The following KIAA1549L variants were observed in gnomAD, a reference collection of about 807,000 sequenced individuals.
KIAA1549L encodes UPF0606 protein KIAA1549L.
Under a neutral mutation model 160.7 loss-of-function variants are expected in KIAA1549L, and 88 were observed. The observed-to-expected ratio is 0.55, with a 90% CI of 0.46 to 0.65. The LOEUF (loss-of-function observed/expected upper bound fraction) is 0.65, where lower values mean the gene tolerates loss of function less well. Ranked by LOEUF, KIAA1549L falls within the 30% of genes least tolerant of loss-of-function variation. KIAA1549L has a pLI of 0.00. For synonymous variants in KIAA1549L, 950 were observed against 976.7 expected, an observed-to-expected ratio of 0.97 and a Z score of 0.51; for missense variants, 2,258 against 2,437.5, an observed-to-expected ratio of 0.93 and a Z score of 1.55.
Position 33,583,448 on chromosome 11 carries a change from A to G in KIAA1549L, c.4513A>G (p.Asn1505Asp). 6.3e-7 allele frequency: 1 copy of G among 1,588,928 alleles called. No homozygotes were observed. Among genetic ancestry groups the G allele is most frequent in the Non-Finnish European group, 8.6e-7 (1 of 1,167,876 alleles). ...IIITAVLCRKNKNDFKPDTMI... is the reference protein window; with the variant it reads ...IIITAVLCRKDKNDFKPDTMI... The stretch of plus-strand genomic sequence containing the variant: ...CATCACTGCCGTGCTCTGCAGGAAG[A>G]ACAAGAACGACTTCAAGCCTGACAC... The change falls in exon 11 of 21, where the codon AAC (asparagine) becomes GAC (aspartate). Residue 1505 changes from asparagine (N) to aspartate (D), a missense_variant. Physicochemically the swap from Asn to Asp is conservative, Grantham distance 23. Transcript: ENST00000658780.
chr11:33,585,604 G>A (rs1230678762), intron 11 of KIAA1549L, among the ~76,000 whole-genome samples: 1 of 152,140 alleles, frequency 6.6e-6, no homozygotes, highest in Non-Finnish European at 1.5e-5. Flanking sequence ...TAGACATAAT[G>A]GTAATAACCA....
chr11:33,511,877 A>G (rs1258312713), intron 1 of KIAA1549L, among the ~76,000 whole-genome samples: 1 of 152,214 alleles, frequency 6.6e-6, no homozygotes, highest in Non-Finnish European at 1.5e-5. Flanking sequence ...TTCAGCTGTA[A>G]GGACTGGACC....
At chr11:33,590,973 A>G (rs930777170) in intron 11 of KIAA1549L, among the ~76,000 whole-genome samples, 7 of 152,230 alleles carry the variant, frequency 4.6e-5, no homozygotes, top group Non-Finnish European at 7.3e-5. Flanking sequence ...AAGAGGTTTG[A>G]TCTTAAACAC....
At chr11:33,388,352 C>T (rs1850213201) in intron 1 of KIAA1549L, among the ~76,000 whole-genome samples, 1 of 152,162 alleles carries the variant, frequency 6.6e-6, no homozygotes, top group Non-Finnish European at 1.5e-5. Flanking sequence ...GTAGGGGTAA[C>T]TGCCCCCATG....
chr11:33,577,952 A>T (rs1042921319), intron 10 of KIAA1549L, among the ~76,000 whole-genome samples: 1 of 151,530 alleles, frequency 6.6e-6, no homozygotes, highest in Non-Finnish European at 1.5e-5. Flanking sequence ...TTGGCCTGTC[A>T]GTTCCATGAC....
intron 1 of KIAA1549L, among the ~76,000 whole-genome samples, chr11:33,487,402 C>CTTT (rs112165825): frequency 1.5e-4 from 13 of 85,492 alleles, no homozygotes; most frequent in South Asian, 3.5e-4. Context: ...GTCTATTGTT[C>CTTT]TTTTTTTTTT....
At position 33,598,190 on chromosome 11, in the gene KIAA1549L, T is replaced by TTGTGTGTGTGTGTGTG. The variant is rs57343190; in HGVS notation, c.4752-606_4752-591dup. The stretch of plus-strand genomic sequence containing the variant: ...AGTTAGAGAGTTAGAGAGAGAATGT[T>TTGTGTGTGTGTGTGTG]TGTGTGTGTGTGTGTGTGTGTGTGT... On this transcript the variant is annotated intron_variant, in intron 12 of 20. Coordinates refer to ENST00000658780, the MANE Select transcript of KIAA1549L (RefSeq NM_012194.3). Among the ~76,000 whole-genome samples the TTGTGTGTGTGTGTGTG allele has an allele frequency of 3.0e-5, 4 of 135,102 alleles. 1 individual carries two copies. Among genetic ancestry groups the TTGTGTGTGTGTGTGTG allele is most frequent in the South Asian group, 4.8e-4 (2 of 4,166 alleles). The allele number at this position is 135,102 out of a possible 152,430, so 88.6% of individuals were successfully genotyped here.
intron 1 of KIAA1549L, among the ~76,000 whole-genome samples, chr11:33,414,608 A>G (rs1230288562): frequency 1.3e-5 from 2 of 152,224 alleles, no homozygotes; most frequent in Non-Finnish European, 2.9e-5. Flanking sequence ...TATATGGGCA[A>G]TGTAGCAGGG....
At chr11:33,589,903 A>T (rs186978856) in intron 11 of KIAA1549L, among the ~76,000 whole-genome samples, 1 of 152,196 alleles carries the variant, frequency 6.6e-6, no homozygotes, top group South Asian at 2.1e-4. Flanking sequence ...AACTTAAAGT[A>T]TAATAAAAAT....
intron 1 of KIAA1549L, among the ~76,000 whole-genome samples, chr11:33,458,742 G>T (rs1851880337): frequency 6.6e-6 from 1 of 152,240 alleles, no homozygotes; most frequent in Non-Finnish European, 1.5e-5. Context: ...CCCCTACCCA[G>T]GTGTGTTTTT....
At chr11:33,616,391 C>A (rs1007269970) in intron 15 of KIAA1549L, among the ~76,000 whole-genome samples, 5 of 152,188 alleles carry the variant, frequency 3.3e-5, no homozygotes, top group African/African-American at 1.2e-4. Context: ...CAACTCAGGT[C>A]AGATGCCCAG....
chr11:33,638,434 AAAT>A (rs1406468619), intron 16 of KIAA1549L, among the ~76,000 whole-genome samples: 36 of 22,342 alleles, frequency 1.6e-3, no homozygotes, highest in Admixed American at 4.8e-3. Context: ...AAAAAAAAAA[AAAT>A]AAATAAATAA....
chr11:33,579,587 G>C (rs960443307), intron 10 of KIAA1549L, among the ~76,000 whole-genome samples: 1 of 152,204 alleles, frequency 6.6e-6, no homozygotes, highest in Non-Finnish European at 1.5e-5. Context: ...GGTGCCCCAG[G>C]ACTGGGGACA....
At chr11:33,508,790 G>A (rs1220017268) in intron 1 of KIAA1549L, among the ~76,000 whole-genome samples, 1 of 152,194 alleles carries the variant, frequency 6.6e-6, no homozygotes, top group Non-Finnish European at 1.5e-5. Flanking sequence ...GGAATGGAAA[G>A]CATCATGTTT....
chr11:33,664,092 T>C (rs922164841), intron 20 of KIAA1549L, among the ~76,000 whole-genome samples: 7 of 152,092 alleles, frequency 4.6e-5, no homozygotes, highest in African/African-American at 1.7e-4. Context: ...ATGAAACATA[T>C]CAGTGCTTGT....
At chr11:33,396,015 G>T (rs1168490810) in intron 1 of KIAA1549L, among the ~76,000 whole-genome samples, 2 of 151,996 alleles carry the variant, frequency 1.3e-5, no homozygotes, top group East Asian at 1.9e-4. Flanking sequence ...GGAAGGAATT[G>T]GTTGTATTTT....
intron 11 of KIAA1549L, among the ~76,000 whole-genome samples, chr11:33,590,737 A>G (rs886697458): frequency 2.0e-5 from 3 of 152,234 alleles, no homozygotes; most frequent in Admixed American, 6.5e-5. Flanking sequence ...TAAAGCAGAT[A>G]AGATTATCTT....
intron 1 of KIAA1549L, among the ~76,000 whole-genome samples, chr11:33,396,090 T>C (rs962905373): frequency 3.9e-5 from 6 of 152,142 alleles, no homozygotes; most frequent in African/African-American, 1.4e-4. Context: ...GTTGTGTCTT[T>C]GCTAGTTATT....
rs114222531 is a variant in KIAA1549L, at chr11:33,510,664, G to A, written c.239-31138G>A. Among the ~76,000 whole-genome samples, 1,086 of 152,372 alleles carry A rather than the reference G, an allele frequency of 7.1e-3. 16 individuals carry two copies. The highest frequency in any genetic ancestry group is 0.025 in the African/African-American group (1,048 of 41,580). ...TGATGCTGGCGAGGACGTGGATATA[G>A]CGAGAAGAGAAGTAGGCTGAGATAC... On this transcript the variant is annotated intron_variant, in intron 1 of 20. Coordinates refer to ENST00000658780, the MANE Select transcript of KIAA1549L (RefSeq NM_012194.3).
Sources: gnomAD v4.1 joint callset for allele counts (sites outside exome capture counted in the v4.1 genomes callset) on GRCh38, gnomAD v4.1.1 for gene constraint, MANE v1.5 for transcripts, NCBI Gene and HGNC (gene_info 2026-07-23, HGNC 2026-07-21) for gene names.